Variants in SHLD2 observed in about 807,000 individuals in gnomAD.
SHLD2 encodes RINN1-REV7-interacting novel NHEJ regulator 2.
Under a neutral mutation model 73.2 loss-of-function variants are expected in SHLD2, and 30 were observed. The ratio of observed to expected loss-of-function variants is 0.41; its 90% CI spans 0.31 to 0.56. The LOEUF is 0.56. Ranked by LOEUF, SHLD2 falls within the 20% of genes least tolerant of loss-of-function variation. SHLD2 has a pLI of 0.28. For missense variants in SHLD2, 745 were observed against 1,055.9 expected (o/e 0.71, Z 4.08); for synonymous variants, 285 against 370.1 (o/e 0.77, Z 2.64).
intron 4 of SHLD2, among the ~76,000 whole-genome samples, chr10:87,161,136 CAG>C (rs984572041): frequency 4.5e-4 from 68 of 152,184 alleles, no homozygotes; most frequent in African/African-American, 1.5e-3. Flanking sequence ...AGTGATATAA[CAG>C]AATGCAAAAT....
intron 7 of SHLD2, among the ~76,000 whole-genome samples, chr10:87,177,943 A>C (rs1220582844): frequency 1.7e-4 from 26 of 152,190 alleles, no homozygotes; most frequent in African/African-American, 5.8e-4. Flanking sequence ...TGAATTATTA[A>C]GAATTTTTTA....
At chr10:87,098,093 A>T (rs1270606218) in intron 2 of SHLD2, among the ~76,000 whole-genome samples, 3 of 152,142 alleles carry the variant, frequency 2.0e-5, no homozygotes, top group African/African-American at 4.8e-5. Flanking sequence ...ACAAGTTGTT[A>T]AAAAAATATG....
rs1471548163 is a variant in SHLD2 at position 87,190,668 on chromosome 10, C to T, written c.2700C>T (p.Ala900=). ...DFYPDIVKHG[A]NARL ...ATCCTGACATTGTAAAGCATGGAGCCAATGCCCGTCTCTGAGGCCAGAGGA... is the reference window on the plus strand; with the variant it reads ...ATCCTGACATTGTAAAGCATGGAGCTAATGCCCGTCTCTGAGGCCAGAGGA... Residue 900 remains alanine (A), a synonymous_variant, in exon 10 of 10, where the codon GCC becomes GCT. Transcript: ENST00000298786. 1.2e-6 allele frequency: 2 copies of T among 1,611,710 alleles called. No homozygotes were observed. Among genetic ancestry groups the T allele is most frequent in the African/African-American group, 2.7e-5 (2 of 74,798 alleles).
intron 2 of SHLD2, among the ~76,000 whole-genome samples, chr10:87,140,173 C>T (rs1845083967): frequency 6.6e-6 from 1 of 151,972 alleles, no homozygotes; most frequent in South Asian, 2.1e-4. Context: ...AATCCTAGCA[C>T]TTTGGGGGCC....
rs7913563 is a variant in SHLD2, at chr10:87,187,220, T to A, written c.2515+20T>A. The stretch of plus-strand genomic sequence containing the variant: ...TGATAGGTAATATATCAGTGTGCCA[T>A]CAAGAAGTTGTTTTATTCAGGAGTA... On this transcript the variant is annotated intron_variant, in intron 9 of 9. Coordinates refer to ENST00000298786, the MANE Select transcript of SHLD2 (RefSeq NM_001330112.2). 0.026 allele frequency: 36,009 copies of A among 1,406,882 alleles called. 1,170 individuals carry two copies. The highest frequency in any genetic ancestry group is 0.16 in the African/African-American group (11,097 of 70,908). 87.1% of individuals were successfully genotyped at this position (1,406,882 alleles called of 1,614,324 possible).
chr10:87,140,289 A>G (rs1390152020), intron 2 of SHLD2, among the ~76,000 whole-genome samples: 3 of 151,724 alleles, frequency 2.0e-5, no homozygotes, highest in Non-Finnish European at 4.4e-5. Flanking sequence ...GCTTGGTGGC[A>G]TGCGACTGTA....
intron 1 of SHLD2, among the ~76,000 whole-genome samples, chr10:87,096,527 C>G (rs1249494734): frequency 1.3e-5 from 2 of 151,868 alleles, no homozygotes. Context: ...GCAGGCTGAT[C>G]GCTTGAGGCC....
chr10:87,117,801 C>T (rs561191356), intron 2 of SHLD2, among the ~76,000 whole-genome samples: 1 of 152,138 alleles, frequency 6.6e-6, no homozygotes, highest in African/African-American at 2.4e-5. Flanking sequence ...TCTCAAAAAA[C>T]CCCAAAAAAC....
chr10:87,190,063 T>C (rs1005234547), intron 9 of SHLD2, among the ~76,000 whole-genome samples: 3 of 152,162 alleles, frequency 2.0e-5, no homozygotes, highest in African/African-American at 7.2e-5. Flanking sequence ...TTTACTTACC[T>C]GTTTATTTAT....
Position 87,175,984 on chromosome 10 carries a change from T to C in SHLD2, c.2059T>C (p.Leu687=), listed in dbSNP as rs1274324841. The C allele has an allele frequency of 6.5e-7, 1 of 1,550,354 alleles. No individual in the cohort carries two copies. Among genetic ancestry groups the C allele is most frequent in the Admixed American group, 2.0e-5 (1 of 51,000 alleles). Residue 687 remains leucine, a synonymous_variant, in exon 7 of 10, where the codon TTG becomes CTG. Transcript: ENST00000298786. ...AACGCCTTGGTCATCCTGTGAGTGC[T>C]TGTTTGATGATGATATAAGGGCAAT... The part of the protein sequence containing the change: ...HTTPWSSCEC[L]FDDDIRAITF...
At chr10:87,165,526 A>G (rs1847136795) in intron 4 of SHLD2, among the ~76,000 whole-genome samples, 2 of 152,228 alleles carry the variant, frequency 1.3e-5, no homozygotes, top group South Asian at 4.1e-4. Flanking sequence ...CCAAAAATGC[A>G]TAACTTCATT....
intron 4 of SHLD2, among the ~76,000 whole-genome samples, chr10:87,167,462 A>G (rs1033787046): frequency 1.1e-4 from 16 of 152,188 alleles, no homozygotes; most frequent in African/African-American, 3.1e-4. Context: ...GAGTAAACCA[A>G]TTTGGTTACT....
At chr10:87,176,185 G>A in intron 7 of SHLD2, 90 bp downstream of exon 7, 2 of 1,496,036 alleles carry the variant, frequency 1.3e-6, no homozygotes, top group Non-Finnish European at 1.8e-6. Flanking sequence ...ACAGTGGTGT[G>A]AACACAGCTC....
At chr10:87,144,761 G>A (rs1432451897) in intron 2 of SHLD2, among the ~76,000 whole-genome samples, 1 of 148,276 alleles carries the variant, frequency 6.7e-6, no homozygotes, top group Admixed American at 6.8e-5. Context: ...AGAGTAGCTG[G>A]GACTACAGGC....
chr10:87,157,356 T>G (rs1287531251), intron 3 of SHLD2, among the ~76,000 whole-genome samples: 1 of 152,228 alleles, frequency 6.6e-6, no homozygotes, highest in East Asian at 1.9e-4. Flanking sequence ...CCTCTGACAC[T>G]GTATGCTGAT....
intron 1 of SHLD2, among the ~76,000 whole-genome samples, chr10:87,096,427 A>C (rs1841894230): frequency 6.6e-6 from 1 of 152,124 alleles, no homozygotes; most frequent in Admixed American, 6.5e-5. Flanking sequence ...GCTAAAGTTC[A>C]CATTCCTATG....
intron 9 of SHLD2, among the ~76,000 whole-genome samples, chr10:87,187,836 C>G (rs1848710410): frequency 6.6e-6 from 1 of 152,112 alleles, no homozygotes; most frequent in Non-Finnish European, 1.5e-5. Flanking sequence ...AGGCATGCCT[C>G]TCGGTCCTTT....
At chr10:87,106,049 G>A (rs1842573561) in intron 2 of SHLD2, among the ~76,000 whole-genome samples, 1 of 152,234 alleles carries the variant, frequency 6.6e-6, no homozygotes, top group South Asian at 2.1e-4. Flanking sequence ...TGTTGCCCAG[G>A]CTGGAGTGCA....
At chr10:87,096,434 T>A (rs1841894759) in intron 1 of SHLD2, among the ~76,000 whole-genome samples, 1 of 152,110 alleles carries the variant, frequency 6.6e-6, no homozygotes, top group Non-Finnish European at 1.5e-5. Context: ...TTCACATTCC[T>A]ATGGATAGCT....
Sources: gnomAD v4.1 joint callset for allele counts (sites outside exome capture counted in the v4.1 genomes callset) on GRCh38, gnomAD v4.1.1 for gene constraint, MANE v1.5 for transcripts, NCBI Gene and HGNC (gene_info 2026-07-23, HGNC 2026-07-21) for gene names.